TFG: variants seen among roughly 807,000 people sequenced by gnomAD.
TFG encodes the protein trafficking from ER to golgi regulator.
A neutral mutation model predicts 51.4 loss-of-function variants in TFG; 22 were observed. The observed-to-expected ratio is 0.43, with a 90% CI of 0.31 to 0.61. The LOEUF (loss-of-function observed/expected upper bound fraction) is 0.61. Ranked by LOEUF, TFG falls within the 20% of genes least tolerant of loss-of-function variation. The pLI, the probability that TFG is intolerant of heterozygous loss-of-function variation, is 0.12. For missense variants in TFG, 419 were observed against 487.7 expected, an observed-to-expected ratio of 0.86 and a Z score of 1.33; for synonymous variants, 187 against 165.6, an observed-to-expected ratio of 1.13 and a Z score of -0.99.
rs1222176547 is a variant in TFG at position 100,732,692 on chromosome 3, C to T, written c.580+20C>T. 6.4e-7 allele frequency: 1 copy of T among 1,569,150 alleles called. No individual in the cohort carries two copies. Among genetic ancestry groups the T allele is most frequent in the Non-Finnish European group, 8.7e-7 (1 of 1,155,278 alleles). On this transcript the variant is annotated intron_variant, in intron 5 of 7. Transcript: ENST00000240851. Reference sequence around the variant, plus strand: ...TTTCAGGTAAGTTGGTTTCCAACTCCTTTACACCCTTCGTTTCCTTCATCT... The same window carrying T: ...TTTCAGGTAAGTTGGTTTCCAACTCTTTTACACCCTTCGTTTCCTTCATCT...
chr3:100,720,139 T>C, intron 3 of TFG, 81 bp downstream of exon 3: 1 of 827,096 alleles, frequency 1.2e-6, no homozygotes, highest in East Asian at 2.7e-5. Context: ...TTTTAAAGAC[T>C]CAGGTAAGCA....
At position 100,744,846 on chromosome 3, in the gene TFG, A is replaced by G; in HGVS notation, c.735A>G (p.Gln245=). The G allele has an allele frequency of 1.2e-6, 2 of 1,613,326 alleles. No individual in the cohort carries two copies. The highest frequency in any genetic ancestry group is 1.7e-6 in the Non-Finnish European group (2 of 1,179,444). Reference sequence around the variant, plus strand: ...GTGTGTTTTCAGGTCAGATGTACCAACAGTACCAGCAACAGGCCGGCTATG... The same window carrying G: ...GTGTGTTTTCAGGTCAGATGTACCAGCAGTACCAGCAACAGGCCGGCTATG... ...QAGQIEGQMY[Q]QYQQQAGYGA... Residue 245 remains glutamine, a synonymous_variant, in exon 7 of 8, where the codon CAA becomes CAG. Transcript: ENST00000240851.
At chr3:100,725,178 T>G (rs1347298385) in intron 3 of TFG, among the ~76,000 whole-genome samples, 1 of 152,024 alleles carries the variant, frequency 6.6e-6, no homozygotes, top group African/African-American at 2.4e-5. Flanking sequence ...AGTGCAGGGA[T>G]TACAGATATG....
In TFG at chr3:100,732,556, A is replaced by G. The variant is rs966574827; in HGVS notation, c.464A>G (p.Lys155Arg). 7 of 1,612,748 alleles carry G rather than the reference A, an allele frequency of 4.3e-6. No homozygotes were observed. The African/African-American group carries it at 9.4e-5, about 22-fold the overall frequency. ...EEKSASDSSG[K>R]QSTQVMAASM... ...AAGTCTGCTTCTGATTCTTCTGGAA[A>G]ACAGTCTACTCAGGTTATGGCAGCA... The change falls in exon 5 of 8, where the codon AAA becomes AGA. Residue 155 changes from lysine (K) to arginine (R), a missense_variant. By Grantham distance (26) the Lys-to-Arg change is conservative. This residue lies in a region of TFG where 391 missense variants were observed against 434.4 expected (regional missense o/e 0.90). Coordinates refer to ENST00000240851, the MANE Select transcript of TFG (RefSeq NM_006070.6).
intron 6 of TFG, among the ~76,000 whole-genome samples, 169 bp downstream of exon 6, chr3:100,736,885 A>G (rs901571908): frequency 6.6e-6 from 1 of 152,234 alleles, no homozygotes; most frequent in Non-Finnish European, 1.5e-5. Context: ...TATGTCAGGT[A>G]TGTTTCCAAT....
chr3:100,714,239 C>G (rs2095039229), intron 2 of TFG, among the ~76,000 whole-genome samples: 1 of 152,112 alleles, frequency 6.6e-6, no homozygotes, highest in Non-Finnish European at 1.5e-5. Flanking sequence ...GCAGCTCATG[C>G]CTGTAATCCC....
chr3:100,729,136 C>T lies in TFG; in HGVS notation c.415+278C>T, dbSNP rs541576403. On this transcript the variant is annotated intron_variant, in intron 4 of 7. Transcript: ENST00000240851. ...TAAAGTGTTTTTTGGGTGATTCTTTCGCAACTAGTCTTAGACTTTTGGATT... is the reference window on the plus strand; with the variant it reads ...TAAAGTGTTTTTTGGGTGATTCTTTTGCAACTAGTCTTAGACTTTTGGATT... Among the ~76,000 whole-genome samples, 10 of 152,232 alleles carry T rather than the reference C, an allele frequency of 6.6e-5. 1 individual carries two copies. The East Asian group carries it at 1.4e-3, about 21-fold the overall frequency.
intron 3 of TFG, among the ~76,000 whole-genome samples, chr3:100,725,198 G>A (rs1360529087): frequency 6.6e-6 from 1 of 152,032 alleles, no homozygotes; most frequent in African/African-American, 2.4e-5. Context: ...GAGCCACCAC[G>A]CCTGGCCAAA....
chr3:100,719,867 T>C (rs2095055963), intron 2 of TFG, 108 bp from the exon 3 acceptor site: 2 of 630,330 alleles, frequency 3.2e-6, no homozygotes, highest in Non-Finnish European at 5.4e-6. Context: ...AGTCCAACTA[T>C]GTTCTACAAT....
At position 100,713,907 on chromosome 3, in the gene TFG, TAA is replaced by T. The variant is rs374210483; in HGVS notation, c.184+54_184+55del. ...TTAAAGCTATTTTTTAAAGTCTTTT[TAA>T]AAAAAAAAAAAAAAAGACAGAGCCT... On this transcript the variant is annotated intron_variant, in intron 2 of 7. Transcript: ENST00000240851. 6.6e-3 allele frequency: 5,765 copies of T among 878,192 alleles called. 19 individuals are homozygous for T. Among genetic ancestry groups the T allele is most frequent in the Admixed American group, 9.2e-3 (284 of 30,942 alleles). The allele number at this position is 878,192 out of a possible 1,614,324, so 54.4% of individuals were successfully genotyped here.
chr3:100,728,496 G>C (rs1430313524), intron 3 of TFG, among the ~76,000 whole-genome samples: 2 of 151,626 alleles, frequency 1.3e-5, no homozygotes, highest in African/African-American at 4.8e-5. Context: ...TAGGCTATAG[G>C]TATGGCATCA....
chr3:100,739,819 T>A (rs1429496846), intron 6 of TFG, among the ~76,000 whole-genome samples: 1 of 152,198 alleles, frequency 6.6e-6, no homozygotes, highest in East Asian at 1.9e-4. Context: ...ACTGATAATC[T>A]TCTTTTTAAT....
chr3:100,743,195 G>A (rs2095125910), intron 6 of TFG: 1 of 152,072 alleles, frequency 6.6e-6, no homozygotes, highest in African/African-American at 2.4e-5. Flanking sequence ...TAATTTTTCT[G>A]TATCTGAGAT....
intron 2 of TFG, among the ~76,000 whole-genome samples, chr3:100,714,077 A>G (rs1576353520): frequency 6.6e-6 from 1 of 151,754 alleles, no homozygotes; most frequent in African/African-American, 2.4e-5. Flanking sequence ...AGTCTTAAGT[A>G]TTGTATGTGT....
chr3:100,713,635 T>C lies in TFG; in HGVS notation c.-43-8T>C, dbSNP rs1248676954. The C allele has an allele frequency of 1.5e-6, 2 of 1,329,248 alleles. No individual in the cohort carries two copies. Among genetic ancestry groups the C allele is most frequent in the Admixed American group, 2.5e-5 (1 of 39,742 alleles). The allele number at this position is 1,329,248 out of a possible 1,614,324, so 82.3% of individuals were successfully genotyped here. ...TTGTTGTTTAATTATCAAAACCACT[T>C]TTATCAGTCTTTCTCTAGAGTTGTA... is the stretch of plus-strand genomic sequence containing the variant. On this transcript the variant is annotated splice_region_variant and splice_polypyrimidine_tract_variant and intron_variant, in intron 1 of 7. Transcript: ENST00000240851.
intron 3 of TFG, among the ~76,000 whole-genome samples, chr3:100,723,831 GTT>G (rs769902536): frequency 6.9e-6 from 1 of 144,318 alleles, no homozygotes; most frequent in Admixed American, 6.9e-5. Context: ...GAGAAATACA[GTT>G]TTTTTTTTTT....
intron 4 of TFG, among the ~76,000 whole-genome samples, chr3:100,731,047 T>G (rs1402221088): frequency 6.6e-6 from 1 of 152,198 alleles, no homozygotes; most frequent in East Asian, 1.9e-4. Flanking sequence ...GAATGGTATG[T>G]TAGGAATGAA....
intron 2 of TFG, among the ~76,000 whole-genome samples, chr3:100,718,675 G>A (rs561663430): frequency 3.5e-4 from 52 of 148,860 alleles, no homozygotes; most frequent in African/African-American, 1.1e-3. Context: ...CTCCTGCCTC[G>A]GCCTCCCAAG....
chr3:100,743,234 T>A (rs1035088127), intron 6 of TFG: 42 of 152,244 alleles, frequency 2.8e-4, no homozygotes, highest in African/African-American at 8.7e-4. Context: ...TGAATTTTTT[T>A]AAATGTGTTT....
Sources: allele counts gnomAD v4.1 joint callset (sites outside exome capture counted in the v4.1 genomes callset), GRCh38; gene constraint gnomAD v4.1.1; regional missense constraint gnomAD v4.1.1; transcripts MANE v1.5; gene names NCBI Gene and HGNC (gene_info 2026-07-23, HGNC 2026-07-21).